The following RBFOX1 variants were observed in gnomAD, a reference collection of about 807,000 sequenced individuals.
RBFOX1 encodes the protein RNA binding protein fox-1 homolog 1.
RBFOX1 carries 8 observed loss-of-function variants against 57.7 expected under a neutral mutation model. The ratio of observed to expected loss-of-function variants is 0.14; its 90% CI spans 0.08 to 0.25. RBFOX1 has a LOEUF of 0.25. Ranked by LOEUF, RBFOX1 falls within the 10% of genes least tolerant of loss-of-function variation. The pLI is 1.00. For missense variants in RBFOX1, 611 were observed against 548.5 expected (o/e 1.11, Z -1.14); for synonymous variants, 326 against 222.4 (o/e 1.47, Z -4.15).
In RBFOX1 at chr16:7,409,448, C is replaced by G. The variant is rs530107429; in HGVS notation, c.28-108699C>G. Among the ~76,000 whole-genome samples, 78 of 152,298 alleles carry G rather than the reference C, an allele frequency of 5.1e-4. 3 individuals are homozygous for G. In the South Asian group the frequency reaches 0.016, roughly 31 times the overall value. On this transcript the variant is annotated intron_variant, in intron 4 of 15. Transcript: ENST00000550418. ...GAGAATGGCATTTCTTTCCCCGTCC[C>G]CATTGTCACAGAATGCAGAAAACAG...
At chr16:6,818,096 G>T (rs752179833) in intron 3 of RBFOX1, among the ~76,000 whole-genome samples, 4 of 152,140 alleles carry the variant, frequency 2.6e-5, no homozygotes, top group Non-Finnish European at 5.9e-5. Context: ...TTGCATTATT[G>T]TTTCAGATTT....
chr16:7,299,567 AAG>A (rs1222202418), intron 4 of RBFOX1, among the ~76,000 whole-genome samples: 11 of 152,174 alleles, frequency 7.2e-5, no homozygotes, highest in Non-Finnish European at 1.5e-4. Flanking sequence ...TACTCTGAAA[AAG>A]GAGCGCTGTG....
At chr16:6,316,506 G>A (rs1026623857) in intron 1 of RBFOX1, among the ~76,000 whole-genome samples, 1 of 152,086 alleles carries the variant, frequency 6.6e-6, no homozygotes, top group Non-Finnish European at 1.5e-5. Flanking sequence ...TGCAGTTCTA[G>A]CGTTGAAAGG....
chr16:7,179,564 C>A (rs959209508), intron 4 of RBFOX1, among the ~76,000 whole-genome samples: 2 of 151,944 alleles, frequency 1.3e-5, no homozygotes, highest in Non-Finnish European at 2.9e-5. Context: ...TTTTGTCAGA[C>A]ATTTTAAATT....
intron 3 of RBFOX1, among the ~76,000 whole-genome samples, chr16:5,845,949 G>C (rs2056745631): frequency 6.6e-6 from 1 of 152,128 alleles, no homozygotes; most frequent in Non-Finnish European, 1.5e-5. Flanking sequence ...GAGGTGGGCA[G>C]ATTACTTGAG....
At chr16:7,167,652 C>T (rs142707508) in intron 4 of RBFOX1, among the ~76,000 whole-genome samples, 75 of 152,148 alleles carry the variant, frequency 4.9e-4, no homozygotes, top group Admixed American at 2.7e-3. Flanking sequence ...TTACTGCAGC[C>T]CTAGGAAACT....
At chr16:6,142,948 CAGTTTTT>C (rs933039838) in intron 1 of RBFOX1, among the ~76,000 whole-genome samples, 2 of 152,174 alleles carry the variant, frequency 1.3e-5, no homozygotes, top group Non-Finnish European at 2.9e-5. Flanking sequence ...ACTCCTGAAG[CAGTTTTT>C]AGTTTTCATT....
At chr16:5,792,277 C>A (rs1447147552) in intron 3 of RBFOX1, among the ~76,000 whole-genome samples, 1 of 152,100 alleles carries the variant, frequency 6.6e-6, no homozygotes, top group Non-Finnish European at 1.5e-5. Context: ...CTCTGTAATC[C>A]CTTTCTAAGT....
In RBFOX1 at chr16:7,591,142, G is replaced by C. The variant is rs557525478; in HGVS notation, c.468+3842G>C. Among the ~76,000 whole-genome samples the C allele has an allele frequency of 2.0e-5, 3 of 152,198 alleles. No homozygotes were observed. The East Asian group carries it at 5.8e-4, about 30-fold the overall frequency. ...GAAGGAACATTTAAGCTGAGAGTGAGAGTTGCGTAAGAATTTCCCAGGGAG... is the reference window on the plus strand; with the variant it reads ...GAAGGAACATTTAAGCTGAGAGTGACAGTTGCGTAAGAATTTCCCAGGGAG... On this transcript the variant is annotated intron_variant, in intron 7 of 15. Coordinates refer to ENST00000550418, the MANE Select transcript of RBFOX1 (RefSeq NM_018723.4).
chr16:5,953,482 C>T (rs1441475838), intron 4 of RBFOX1, among the ~76,000 whole-genome samples: 1 of 152,008 alleles, frequency 6.6e-6, no homozygotes, highest in Non-Finnish European at 1.5e-5. Context: ...TCTTTTATCC[C>T]TCACCTCCTT....
chr16:5,476,102 C>T (rs1597219904), intron 2 of RBFOX1, among the ~76,000 whole-genome samples: 1 of 152,120 alleles, frequency 6.6e-6, no homozygotes, highest in Non-Finnish European at 1.5e-5. Context: ...ATGTTATTGA[C>T]CCCAGACTTT....
chr16:5,387,353 A>T (rs1183102533), intron 1 of RBFOX1, among the ~76,000 whole-genome samples: 1 of 152,150 alleles, frequency 6.6e-6, no homozygotes, highest in Non-Finnish European at 1.5e-5. Flanking sequence ...TTCCCTTATA[A>T]ATAAGTCCAG....
At chr16:6,901,559 A>G (rs1322185583) in intron 3 of RBFOX1, among the ~76,000 whole-genome samples, 1 of 152,184 alleles carries the variant, frequency 6.6e-6, no homozygotes. Flanking sequence ...TTGTTTATGT[A>G]GTGGAATGTT....
chr16:7,171,036 C>G (rs1339511667), intron 4 of RBFOX1, among the ~76,000 whole-genome samples: 1 of 152,192 alleles, frequency 6.6e-6, no homozygotes, highest in South Asian at 2.1e-4. Flanking sequence ...CCTGCGATGT[C>G]TCCTTCATTT....
intron 3 of RBFOX1, among the ~76,000 whole-genome samples, chr16:5,717,514 C>T (rs2051752577): frequency 6.6e-6 from 1 of 152,178 alleles, no homozygotes; most frequent in South Asian, 2.1e-4. Flanking sequence ...TCCCACCCTT[C>T]ACCCTTAGTC....
intron 12 of RBFOX1, 94 bp from the exon 13 acceptor site, chr16:7,664,835 G>A (rs980226270): frequency 8.7e-6 from 14 of 1,606,862 alleles, no homozygotes; most frequent in East Asian, 4.5e-5. Context: ...TTTGGATCTT[G>A]TGACCAGACT....
intron 2 of RBFOX1, among the ~76,000 whole-genome samples, chr16:5,508,233 G>A (rs1460930450): frequency 6.6e-6 from 1 of 152,170 alleles, no homozygotes; most frequent in Non-Finnish European, 1.5e-5. Context: ...ATTGGCCAGG[G>A]CGAGGGTCTC....
chr16:6,024,230 G>C (rs2095141850), intron 1 of RBFOX1, among the ~76,000 whole-genome samples: 1 of 152,188 alleles, frequency 6.6e-6, no homozygotes, highest in Non-Finnish European at 1.5e-5. Flanking sequence ...TGTACCACAT[G>C]TTAGACCCTG....
chr16:6,569,608 C>G (rs1281054373), intron 2 of RBFOX1, among the ~76,000 whole-genome samples: 1 of 152,190 alleles, frequency 6.6e-6, no homozygotes, highest in East Asian at 1.9e-4. Flanking sequence ...GAGAAATCTA[C>G]TTTTCTGTTG....
Sources: gnomAD v4.1 joint callset for allele counts (sites outside exome capture counted in the v4.1 genomes callset) on GRCh38, gnomAD v4.1.1 for gene constraint, MANE v1.5 for transcripts, NCBI Gene and HGNC (gene_info 2026-07-23, HGNC 2026-07-21) for gene names.